DYSF: variants seen among roughly 807,000 people sequenced by gnomAD.
DYSF encodes the protein dystrophy-associated fer-1-like 1.
In DYSF, 212 loss-of-function variants were observed where a neutral mutation model predicts 274.9. The ratio of observed to expected loss-of-function variants is 0.77; its 90% CI spans 0.69 to 0.86. The LOEUF is 0.86. DYSF is among the 40% of genes least tolerant of loss of function. DYSF has a pLI of 0.00. For missense variants in DYSF, 2,666 were observed against 2,783.2 expected (o/e 0.96, Z 0.95); for synonymous variants, 1,091 against 1,078.7 (o/e 1.01, Z -0.22).
intron 1 of DYSF, among the ~76,000 whole-genome samples, chr2:71,480,384 G>A (rs111277179): frequency 3.1e-4 from 37 of 118,040 alleles, no homozygotes; most frequent in South Asian, 6.8e-4. Context: ...ACACACACAC[G>A]CACACACACA....
At chr2:71,558,883 A>C (rs544760159) in intron 22 of DYSF, among the ~76,000 whole-genome samples, 1 of 152,268 alleles carries the variant, frequency 6.6e-6, no homozygotes, top group Non-Finnish European at 1.5e-5. Flanking sequence ...TGAGTGGCCC[A>C]GCACCTCAGC....
At chr2:71,529,368 C>T (rs1342801075) in intron 14 of DYSF, among the ~76,000 whole-genome samples, 4 of 152,174 alleles carry the variant, frequency 2.6e-5, no homozygotes, top group African/African-American at 9.7e-5. Flanking sequence ...TTTGAACAGC[C>T]CAGGCCATTT....
At position 71,686,462 on chromosome 2, in the gene DYSF, T is replaced by C. The variant is rs2152976511; in HGVS notation, c.6330T>C (p.Ala2110=). ...CTCCTCCCTCCCTCCAGAACTATGC[T>C]GCCATGAAGCTGGTGAAGCCCTTCA... The part of the protein sequence containing the change: ...AIFIYAFPNY[A]AMKLVKPFS The change falls in exon 56 of 56, where the codon GCT becomes GCC. Residue 2110 remains alanine, a synonymous_variant. Coordinates refer to ENST00000410020, the MANE Select transcript of DYSF (RefSeq NM_001130987.2). 2 of 1,614,168 alleles carry C rather than the reference T, an allele frequency of 1.2e-6. No homozygotes were observed. Among genetic ancestry groups the C allele is most frequent in the Non-Finnish European group, 1.7e-6 (2 of 1,180,024 alleles).
At chr2:71,635,748 C>CA (rs753590151) in intron 41 of DYSF, among the ~76,000 whole-genome samples, 1,793 of 69,726 alleles carry the variant, frequency 0.026, 120 homozygotes, top group African/African-American at 0.087. Flanking sequence ...GACTCTGTCT[C>CA]AAAAAAAAAA....
intron 42 of DYSF, 67 bp from the exon 43 acceptor site, chr2:71,656,095 T>C: frequency 6.3e-7 from 1 of 1,593,704 alleles, no homozygotes; most frequent in Non-Finnish European, 8.6e-7. Context: ...TCTTGTTTCC[T>C]TTCCTTTGCT....
intron 14 of DYSF, among the ~76,000 whole-genome samples, chr2:71,534,013 G>C (rs1309559501): frequency 6.9e-6 from 1 of 145,496 alleles, no homozygotes; most frequent in Non-Finnish European, 1.5e-5. Context: ...CCAAATCCTG[G>C]CACTCAGCCC....
At chr2:71,663,047 A>ATATT (rs1306479068) in intron 45 of DYSF, among the ~76,000 whole-genome samples, 10 of 142,744 alleles carry the variant, frequency 7.0e-5, no homozygotes, top group Non-Finnish European at 1.3e-4. Context: ...GTGTGCGCGC[A>ATATT]CGCGCGTGGT....
intron 1 of DYSF, among the ~76,000 whole-genome samples, chr2:71,477,250 G>A (rs1018457143): frequency 6.6e-6 from 1 of 152,140 alleles, no homozygotes; most frequent in African/African-American, 2.4e-5. Context: ...GGGAGAGGGT[G>A]CAACATCGCA....
chr2:71,582,106 CAAAAAAAAA>C (rs1159294834), intron 30 of DYSF, among the ~76,000 whole-genome samples: 2 of 35,118 alleles, frequency 5.7e-5, no homozygotes, highest in African/African-American at 1.9e-4. Context: ...GACTCCGTCT[CAAAAAAAAA>C]AAAAAAAAAA....
At chr2:71,665,123 C>CT in intron 46 of DYSF, 39 bp from the exon 47 acceptor site, 1 of 1,612,040 alleles carries the variant, frequency 6.2e-7, no homozygotes, top group Non-Finnish European at 8.5e-7. Flanking sequence ...CATGAGTGTC[C>CT]TTGAAGCATC....
chr2:71,678,651 G>A (rs2095256851), intron 52 of DYSF, among the ~76,000 whole-genome samples: 1 of 152,014 alleles, frequency 6.6e-6, no homozygotes, highest in Admixed American at 6.6e-5. Flanking sequence ...CCACTGAATT[G>A]TACACTTAAC....
intron 1 of DYSF, among the ~76,000 whole-genome samples, chr2:71,477,549 G>T (rs1185446999): frequency 6.6e-6 from 1 of 152,194 alleles, no homozygotes; most frequent in African/African-American, 2.4e-5. Flanking sequence ...AAGGCTGATG[G>T]TGACATTAAT....
chr2:71,470,468 C>A (rs1333420404), intron 1 of DYSF, among the ~76,000 whole-genome samples: 2 of 151,886 alleles, frequency 1.3e-5, no homozygotes, highest in African/African-American at 2.4e-5. Context: ...GTCAGGAGAT[C>A]GAGACAATCC....
Position 71,549,499 on chromosome 2 carries a change from T to C in DYSF, c.1577-1542T>C, listed in dbSNP as rs560693292. 66 of 1,086,640 alleles carry C rather than the reference T, an allele frequency of 6.1e-5. No individual in the cohort carries two copies. In the East Asian group the frequency reaches 9.3e-4, roughly 15 times the overall value. 67.3% of individuals were successfully genotyped at this position (1,086,640 alleles called of 1,614,324 possible). On this transcript the variant is annotated intron_variant, in intron 17 of 55. Transcript: ENST00000410020. ...GGTTTTTGATTTGCCTGAGGTGGGA[T>C]TGAGATTCCCCCACAAAGGTAAGTC...
At chr2:71,617,879 G>T (rs1179642465) in intron 40 of DYSF, among the ~76,000 whole-genome samples, 68 of 20,656 alleles carry the variant, frequency 3.3e-3, no homozygotes, top group South Asian at 5.5e-3. Context: ...GTAGAGGTGG[G>T]GTGTGTGTGG....
intron 30 of DYSF, among the ~76,000 whole-genome samples, chr2:71,575,031 T>A (rs1465252476): frequency 1.3e-5 from 2 of 152,094 alleles, no homozygotes; most frequent in East Asian, 3.9e-4. Flanking sequence ...CTGCTCCCTC[T>A]GAAATCCAGC....
chr2:71,492,833 G>T (rs1171416242), intron 3 of DYSF, among the ~76,000 whole-genome samples: 1 of 151,446 alleles, frequency 6.6e-6, no homozygotes, highest in Non-Finnish European at 1.5e-5. Flanking sequence ...TTAAGAGTAG[G>T]GACACAGTTA....
intron 43 of DYSF, 149 bp from the exon 44 acceptor site, chr2:71,658,729 C>T (rs2094823233): frequency 2.3e-6 from 2 of 871,590 alleles, no homozygotes; most frequent in Non-Finnish European, 3.6e-6. Context: ...AAGACTGGCC[C>T]CCATGATTCA....
At chr2:71,500,367 C>T (rs2084855820) in intron 3 of DYSF, among the ~76,000 whole-genome samples, 1 of 152,124 alleles carries the variant, frequency 6.6e-6, no homozygotes, top group Admixed American at 6.5e-5. Context: ...CTATTTCCAG[C>T]CCTTCCTTCT....
Sources: gnomAD v4.1 joint callset for allele counts (sites outside exome capture counted in the v4.1 genomes callset) on GRCh38, gnomAD v4.1.1 for gene constraint, MANE v1.5 for transcripts, NCBI Gene and HGNC (gene_info 2026-07-23, HGNC 2026-07-21) for gene names.